RHOA: variants seen among roughly 807,000 people sequenced by gnomAD.
RHOA encodes the protein ras homolog family member A.
RHOA carries 3 observed loss-of-function variants against 17.5 expected under a neutral mutation model. That is an observed-to-expected ratio of 0.17 (90% confidence interval 0.08 to 0.44). The LOEUF (loss-of-function observed/expected upper bound fraction) is 0.44, where lower values mean the gene tolerates loss of function less well. RHOA is among the 20% of genes least tolerant of loss of function. The pLI is 0.99. For missense variants in RHOA, 56 were observed against 242.3 expected, an observed-to-expected ratio of 0.23 and a Z score of 5.10; for synonymous variants, 98 against 88.4, an observed-to-expected ratio of 1.11 and a Z score of -0.61.
rs59591685 is a variant in RHOA at position 49,391,823 on chromosome 3, C to CTTT, written c.-2-16235_-2-16233dup. ...ACTGTGCCCGGCCTAATTAATTTAT[C>CTTT]TTTTTTTTTTTTTTTTTTTTTTGAG... On this transcript the variant is annotated intron_variant, in intron 1 of 4. Coordinates refer to ENST00000418115, the MANE Select transcript of RHOA (RefSeq NM_001664.4). Among the ~76,000 whole-genome samples the CTTT allele has an allele frequency of 2.0e-3, 204 of 99,646 alleles. 6 individuals are homozygous for CTTT. Among genetic ancestry groups the CTTT allele is most frequent in the Non-Finnish European group, 3.3e-3 (171 of 51,780 alleles). 65.4% of individuals were successfully genotyped at this position (99,646 alleles called of 152,430 possible). A position where few individuals can be genotyped will look rare whatever the true frequency, so the allele number is the denominator to read the frequency against.
At chr3:49,377,611 G>A (rs1218647531) in intron 1 of RHOA, among the ~76,000 whole-genome samples, 36 of 143,630 alleles carry the variant, frequency 2.5e-4, no homozygotes, top group South Asian at 2.2e-4. Context: ...AGAAGGAAAA[G>A]AAAAAAAAAA....
chr3:49,376,002 C>A (rs1321965996), intron 1 of RHOA, among the ~76,000 whole-genome samples: 1 of 152,040 alleles, frequency 6.6e-6, no homozygotes. Context: ...GCACGTACCA[C>A]CACATCCAGC....
At chr3:49,392,783 T>C (rs1451244747) in intron 1 of RHOA, among the ~76,000 whole-genome samples, 3 of 152,186 alleles carry the variant, frequency 2.0e-5, no homozygotes, top group Non-Finnish European at 4.4e-5. Context: ...AAGACAACGC[T>C]GTTCTAAACA....
chr3:49,362,079 C>T (rs1406003822), intron 4 of RHOA, among the ~76,000 whole-genome samples: 1 of 150,488 alleles, frequency 6.6e-6, no homozygotes, highest in African/African-American at 2.4e-5. Context: ...CCCAGCTACT[C>T]GGGAGTCTGA....
chr3:49,379,557 A>C (rs1295773705), intron 1 of RHOA, among the ~76,000 whole-genome samples: 1 of 152,152 alleles, frequency 6.6e-6, no homozygotes, highest in African/African-American at 2.4e-5. Context: ...TCTGTTGCCC[A>C]GGCTGGAGTA....
At chr3:49,385,582 G>GT (rs1480414203) in intron 1 of RHOA, among the ~76,000 whole-genome samples, 2 of 151,898 alleles carry the variant, frequency 1.3e-5, no homozygotes, top group African/African-American at 2.4e-5. Flanking sequence ...GGGGCACAAC[G>GT]TTTTTTATTT....
chr3:49,363,377 G>A (rs1414827977), intron 3 of RHOA, among the ~76,000 whole-genome samples: 3 of 152,036 alleles, frequency 2.0e-5, no homozygotes, highest in Non-Finnish European at 2.9e-5. Context: ...CTGAGATCGC[G>A]CCACTGCACT....
At chr3:49,406,493 C>A (rs1238556074) in intron 1 of RHOA, among the ~76,000 whole-genome samples, 2 of 152,172 alleles carry the variant, frequency 1.3e-5, no homozygotes, top group Non-Finnish European at 2.9e-5. Context: ...AATTAAAAAT[C>A]TTGGCCAGGG....
intron 1 of RHOA, among the ~76,000 whole-genome samples, 159 bp from the exon 2 acceptor site, chr3:49,375,750 C>T (rs566905435): frequency 1.3e-5 from 2 of 152,192 alleles, no homozygotes; most frequent in South Asian, 2.1e-4. Flanking sequence ...AAAGGTTATA[C>T]ATTAAAAACT....
intron 1 of RHOA, among the ~76,000 whole-genome samples, chr3:49,385,658 C>T (rs2048384924): frequency 6.6e-6 from 1 of 151,790 alleles, no homozygotes; most frequent in South Asian, 2.1e-4. Context: ...ATCTAAAATA[C>T]CACAGCCAAA....
At chr3:49,377,287 G>T (rs1253790156) in intron 1 of RHOA, among the ~76,000 whole-genome samples, 1 of 150,222 alleles carries the variant, frequency 6.7e-6, no homozygotes, top group Non-Finnish European at 1.5e-5. Context: ...ACGGAAGCAT[G>T]AGAGGGGAGG....
chr3:49,372,406 G>A (rs894881113), intron 2 of RHOA, among the ~76,000 whole-genome samples: 2 of 152,116 alleles, frequency 1.3e-5, no homozygotes, highest in Non-Finnish European at 2.9e-5. Flanking sequence ...ATTAGCATAA[G>A]AGCAATCATC....
rs1231721236 is a variant in RHOA at position 49,359,702 on chromosome 3, C to G, written c.*507G>C. On this transcript the variant is annotated 3_prime_UTR_variant, in exon 5 of 5. Transcript: ENST00000418115. ...AGGTAACTAACATGAAACCACAGAA[C>G]TGTAACTCTGCCACAGCTGCATGAA... is the stretch of plus-strand genomic sequence containing the variant. The G allele has an allele frequency of 4.5e-6, 1 of 222,400 alleles. No homozygotes were observed. The highest frequency in any genetic ancestry group is 9.0e-6 in the Non-Finnish European group (1 of 111,066). The allele number at this position is 222,400 out of a possible 1,614,324, so 13.8% of individuals were successfully genotyped here.
chr3:49,395,467 T>C (rs1475728550), intron 1 of RHOA, among the ~76,000 whole-genome samples: 1 of 151,998 alleles, frequency 6.6e-6, no homozygotes, highest in African/African-American at 2.4e-5. Flanking sequence ...TCCCGGCACT[T>C]TGGGAGACTG....
intron 1 of RHOA, among the ~76,000 whole-genome samples, chr3:49,390,062 T>C (rs945470227): frequency 3.3e-5 from 5 of 152,138 alleles, no homozygotes; most frequent in African/African-American, 9.7e-5. Flanking sequence ...CCCTCCTTTA[T>C]TGGCGGGTCC....
intron 1 of RHOA, among the ~76,000 whole-genome samples, chr3:49,399,348 C>A (rs1429660223): frequency 1.4e-5 from 2 of 147,982 alleles, no homozygotes; most frequent in Non-Finnish European, 3.0e-5. Flanking sequence ...GCAGCCTGGG[C>A]GACAGAGCGA....
chr3:49,390,541 G>A (rs1420765634), intron 1 of RHOA, among the ~76,000 whole-genome samples: 3 of 152,122 alleles, frequency 2.0e-5, no homozygotes, highest in Non-Finnish European at 4.4e-5. Context: ...TGGTATTACA[G>A]GTATGAGCCA....
intron 2 of RHOA, among the ~76,000 whole-genome samples, chr3:49,374,305 C>T (rs1256014878): frequency 1.3e-5 from 2 of 152,164 alleles, no homozygotes; most frequent in Non-Finnish European, 2.9e-5. Flanking sequence ...TAATCTAATA[C>T]TGGGACATCT....
intron 1 of RHOA, among the ~76,000 whole-genome samples, chr3:49,410,780 G>A (rs2048919504): frequency 1.3e-5 from 2 of 152,080 alleles, no homozygotes; most frequent in Non-Finnish European, 2.9e-5. Flanking sequence ...CCTTCAGAAA[G>A]GCAGAGTGAA....
Sources: allele counts gnomAD v4.1 joint callset (sites outside exome capture counted in the v4.1 genomes callset), GRCh38; gene constraint gnomAD v4.1.1; transcripts MANE v1.5; gene names NCBI Gene and HGNC (gene_info 2026-07-23, HGNC 2026-07-21).